The following PCDHA9 variants were observed in gnomAD, a reference collection of about 807,000 sequenced individuals.
PCDHA9 encodes the protein protocadherin alpha-9.
In PCDHA9, 62 loss-of-function variants were observed where a neutral mutation model predicts 62.0. The ratio of observed to expected loss-of-function variants is 1.00; its 90% CI spans 0.81 to 1.23. The LOEUF (loss-of-function observed/expected upper bound fraction) is 1.23, where lower values mean the gene tolerates loss of function less well. Ranked by LOEUF, PCDHA9 falls within the 50% of genes most tolerant of loss-of-function variation. PCDHA9 has a pLI of 0.00. For missense variants in PCDHA9, 1,205 were observed against 1,249.8 expected (o/e 0.96, Z 0.54); for synonymous variants, 557 against 567.6 (o/e 0.98, Z 0.27).
At position 140,850,264 on chromosome 5, in the gene PCDHA9, T is replaced by C. The variant is rs2150476504; in HGVS notation, c.1769T>C (p.Val590Ala). The C allele has an allele frequency of 1.3e-6, 2 of 1,594,136 alleles. No homozygotes were observed. The highest frequency in any genetic ancestry group is 1.7e-5 in the Admixed American group (1 of 59,206). The stretch of plus-strand genomic sequence containing the variant: ...CTGCGGTCGGTGGGCGCCGGCGTAG[T>C]GGTGGGGAAGGTGCGCGCAGTGGAC... ...MVLRSVGAGV[V>A]VGKVRAVDAD... The change falls in exon 1 of 4, where the codon GTG becomes GCG. Residue 590 changes from valine (V) to alanine (A), a missense_variant. Around this residue, in one of 3 missense-constraint regions of PCDHA9, gnomAD observed 887 missense variants for 809.5 expected, o/e 1.10. Transcript: ENST00000532602.
At chr5:140,918,042 A>C (rs1363704503) in intron 1 of PCDHA9, among the ~76,000 whole-genome samples, 1 of 152,088 alleles carries the variant, frequency 6.6e-6, no homozygotes, top group African/African-American at 2.4e-5. Flanking sequence ...AGGTCTTTCC[A>C]TTTGTTTTAT....
intron 1 of PCDHA9, among the ~76,000 whole-genome samples, chr5:140,889,720 T>G (rs1259294888): frequency 2.6e-5 from 4 of 152,240 alleles, no homozygotes; most frequent in African/African-American, 9.6e-5. Context: ...TCTTTGCTAC[T>G]GTCTCACTGA....
intron 1 of PCDHA9, chr5:140,884,436 G>A (rs782218831): frequency 6.2e-7 from 1 of 1,613,888 alleles, no homozygotes; most frequent in East Asian, 2.2e-5. Flanking sequence ...GCGCTGCGGT[G>A]CTCGGCACCG....
Position 140,857,640 on chromosome 5 carries a change from A to T in PCDHA9, c.2394+6751A>T, listed in dbSNP as rs1554150415. The T allele has an allele frequency of 1.3e-6, 2 of 1,596,722 alleles. 1 individual carries two copies. The highest frequency in any genetic ancestry group is 3.4e-5 in the Admixed American group (2 of 59,300). On this transcript the variant is annotated intron_variant, in intron 1 of 3. Coordinates refer to ENST00000532602, the MANE Select transcript of PCDHA9 (RefSeq NM_031857.2). The stretch of plus-strand genomic sequence containing the variant: ...GACCACGAGGAGCTGGAGCTGCTAC[A>T]GTTCCAGGTGAGCGCGCGCGATGGG...
intron 1 of PCDHA9, among the ~76,000 whole-genome samples, chr5:140,908,540 G>T (rs1562965244): frequency 6.6e-6 from 1 of 152,150 alleles, no homozygotes; most frequent in African/African-American, 2.4e-5. Flanking sequence ...TTCCACCAAA[G>T]CCCAGTAATA....
At position 140,877,451 on chromosome 5, in the gene PCDHA9, C is replaced by T. The variant is rs782361627; in HGVS notation, c.2394+26562C>T. ...AAGGACCACGGTGAGCCCGCGCTGA[C>T]GTCCACGGCCACGGTGCTGGTGTCG... On this transcript the variant is annotated intron_variant, in intron 1 of 3. Coordinates refer to ENST00000532602, the MANE Select transcript of PCDHA9 (RefSeq NM_031857.2). The T allele has an allele frequency of 3.5e-5, 57 of 1,613,672 alleles. No individual in the cohort carries two copies. The East Asian group carries it at 1.2e-3, about 35-fold the overall frequency.
chr5:141,000,828 G>A (rs1244334845), intron 3 of PCDHA9, among the ~76,000 whole-genome samples: 2 of 151,966 alleles, frequency 1.3e-5, no homozygotes, highest in African/African-American at 4.8e-5. Flanking sequence ...GATCACTTGA[G>A]TCCAGGAGAT....
In PCDHA9 at chr5:140,872,848, A is replaced by G. The variant is rs531539520; in HGVS notation, c.2394+21959A>G. ...AGCAGAGAAAAAATTAAATATATTA[A>G]TGTGAGTACCTACTGACAATTATCA... On this transcript the variant is annotated intron_variant, in intron 1 of 3. Transcript: ENST00000532602. Among the ~76,000 whole-genome samples the G allele has an allele frequency of 3.3e-5, 5 of 152,332 alleles. No individual in the cohort carries two copies. The South Asian group carries it at 1.0e-3, about 32-fold the overall frequency.
At chr5:140,955,716 A>G (rs2095221843) in intron 1 of PCDHA9, among the ~76,000 whole-genome samples, 1 of 152,220 alleles carries the variant, frequency 6.6e-6, no homozygotes, top group African/African-American at 2.4e-5. Flanking sequence ...TAATAGGAAT[A>G]CCATTGAATC....
chr5:140,895,428 C>A (rs2065003978), intron 1 of PCDHA9, among the ~76,000 whole-genome samples: 1 of 152,154 alleles, frequency 6.6e-6, no homozygotes, highest in Non-Finnish European at 1.5e-5. Flanking sequence ...TTTGCTTCCT[C>A]CTGAGACTCT....
chr5:140,899,005 G>A (rs1220603725), intron 1 of PCDHA9, among the ~76,000 whole-genome samples: 1 of 151,848 alleles, frequency 6.6e-6, no homozygotes, highest in Non-Finnish European at 1.5e-5. Context: ...TGTTATTGGT[G>A]TATAAGAATG....
At chr5:140,858,645 T>C (rs2045537080) in intron 1 of PCDHA9, 1 of 818,880 alleles carries the variant, frequency 1.2e-6, no homozygotes, top group Non-Finnish European at 1.9e-6. Context: ...TGATTGGTAC[T>C]TAAATTTTTT....
At chr5:140,975,552 G>A (rs1416724640) in intron 1 of PCDHA9, among the ~76,000 whole-genome samples, 1 of 152,200 alleles carries the variant, frequency 6.6e-6, no homozygotes, top group Non-Finnish European at 1.5e-5. Flanking sequence ...CTATTAGGAA[G>A]GAAAAGGAGA....
intron 1 of PCDHA9, among the ~76,000 whole-genome samples, chr5:140,934,036 G>T (rs181745303): frequency 2.9e-4 from 44 of 151,956 alleles, no homozygotes; most frequent in African/African-American, 1.0e-3. Context: ...GTTTATTAAT[G>T]ATATTAGTCT....
chr5:140,850,871 C>T lies in PCDHA9; in HGVS notation c.2376C>T (p.Ser792=), dbSNP rs2041861877. ...STERTGEPSA[S]SDSTGKPRQP... ...AGCGAACGGGAGAACCCTCTGCTTC[C>T]TCAGATTCAACTGGGAAGGTGGGTT... is the stretch of plus-strand genomic sequence containing the variant. The change falls in exon 1 of 4, where the codon TCC becomes TCT. Residue 792 remains serine, a synonymous_variant. Transcript: ENST00000532602. The T allele has an allele frequency of 6.3e-7, 1 of 1,591,984 alleles. No homozygotes were observed. Among genetic ancestry groups the T allele is most frequent in the Admixed American group, 1.7e-5 (1 of 58,590 alleles).
At chr5:140,862,972 C>T (rs1554157331) in intron 1 of PCDHA9, 1 of 545,254 alleles carries the variant, frequency 1.8e-6, no homozygotes, top group Non-Finnish European at 3.6e-6. Flanking sequence ...ATGCAGGCCA[C>T]TTGGTGGCGA....
rs143678744 is a variant in PCDHA9 at position 140,873,036 on chromosome 5, G to A, written c.2394+22147G>A. Among the ~76,000 whole-genome samples the A allele has an allele frequency of 5.4e-3, 816 of 152,264 alleles. 4 individuals carry two copies. The highest frequency in any genetic ancestry group is 0.014 in the Middle Eastern group (4 of 294). On this transcript the variant is annotated intron_variant, in intron 1 of 3. Coordinates refer to ENST00000532602, the MANE Select transcript of PCDHA9 (RefSeq NM_031857.2). ...TTTAGTTATTCTTACTACACGTAGA[G>A]TGGTGGTATTACAGACTTTCTTGAG...
At chr5:140,943,112 G>A (rs1250060246) in intron 1 of PCDHA9, among the ~76,000 whole-genome samples, 1 of 151,850 alleles carries the variant, frequency 6.6e-6, no homozygotes, top group African/African-American at 2.4e-5. Flanking sequence ...ACAAAAATTA[G>A]CCAGGTGTGG....
rs1554262827 is a variant in PCDHA9 at position 141,010,253 on chromosome 5, C to A, written c.*316C>A. The A allele has an allele frequency of 3.2e-6, 5 of 1,551,834 alleles. No homozygotes were observed. The highest frequency in any genetic ancestry group is 1.7e-4 in the Middle Eastern group (1 of 5,990). On this transcript the variant is annotated 3_prime_UTR_variant, in exon 4 of 4. Transcript: ENST00000532602. ...CGCCAGTGAGAGGTTGGACTCTCTG[C>A]CCTGTGCTCCGGGGATCCTGTCTTG...
Sources: gnomAD v4.1 joint callset for allele counts (sites outside exome capture counted in the v4.1 genomes callset) on GRCh38, gnomAD v4.1.1 for gene constraint, gnomAD v4.1.1 regional missense constraint, MANE v1.5 for transcripts, NCBI Gene and HGNC (gene_info 2026-07-23, HGNC 2026-07-21) for gene names.